Variants in NRG1 observed in about 807,000 individuals in gnomAD.
The protein encoded by NRG1 is pro-neuregulin-1, membrane-bound isoform.
In NRG1, 18 loss-of-function variants were observed where a neutral mutation model predicts 63.8. The ratio of observed to expected loss-of-function variants is 0.28; its 90% confidence interval spans 0.19 to 0.42. NRG1 has a LOEUF of 0.42. NRG1 is among the 10% of genes least tolerant of loss of function. The pLI, the probability that NRG1 is intolerant of heterozygous loss-of-function variation, is 1.00. For missense variants in NRG1, 762 were observed against 814.7 expected (o/e 0.94, Z 0.79); for synonymous variants, 302 against 301.3 (o/e 1.00, Z -0.02).
In NRG1 at chr8:32,236,212, A is replaced by G. The variant is rs142739292; in HGVS notation, c.38-359616A>G. Among the ~76,000 whole-genome samples the G allele has an allele frequency of 3.7e-3, 559 of 151,836 alleles. 1 individual carries two copies. The highest frequency in any genetic ancestry group is 0.024 in the South Asian group (114 of 4,800). ...GAATGACATCGTTTTTTGGAATGAA[A>G]AGGTCTTGCCCCACCCTGCAAGTGT... On this transcript the variant is annotated intron_variant, in intron 1 of 10. Coordinates refer to the NRG1 transcript ENST00000519301.
intron 1 of NRG1, among the ~76,000 whole-genome samples, chr8:32,369,017 T>G (rs1267091705): frequency 1.3e-5 from 2 of 152,184 alleles, no homozygotes; most frequent in Non-Finnish European, 2.9e-5. Context: ...CATGCTAACA[T>G]TTTCTACCCT....
chr8:32,547,443 T>C (rs536831070), upstream of NRG1, among the ~76,000 whole-genome samples: 1 of 152,292 alleles, frequency 6.6e-6, no homozygotes, highest in African/African-American at 2.4e-5. Flanking sequence ...TAATTTTAAT[T>C]ATTCTGAGTC....
intron 1 of NRG1, among the ~76,000 whole-genome samples, chr8:32,071,013 T>C (rs1225855163): frequency 6.6e-6 from 1 of 152,112 alleles, no homozygotes; most frequent in African/African-American, 2.4e-5. Flanking sequence ...CACCTGCCGA[T>C]CTCTCTGCCT....
At chr8:31,954,044 C>A (rs1803938853) in intron 1 of NRG1, among the ~76,000 whole-genome samples, 1 of 152,054 alleles carries the variant, frequency 6.6e-6, no homozygotes, top group Non-Finnish European at 1.5e-5. Context: ...TCACTAATAT[C>A]TTTAACCCAG....
chr8:32,171,795 G>C (rs1035054458), intron 1 of NRG1, among the ~76,000 whole-genome samples: 4 of 152,076 alleles, frequency 2.6e-5, no homozygotes, highest in African/African-American at 9.7e-5. Context: ...AGTGAGGCTG[G>C]GGGAGGGACG....
At chr8:32,487,170 TAAA>T (rs1424240382) in intron 1 of NRG1, among the ~76,000 whole-genome samples, 1 of 144,618 alleles carries the variant, frequency 6.9e-6, no homozygotes, top group Non-Finnish European at 1.5e-5. Context: ...AAAAATAACG[TAAA>T]ACAGTGTTGG....
chr8:32,707,918 C>T (rs1245263442), intron 5 of NRG1, among the ~76,000 whole-genome samples: 2 of 122,010 alleles, frequency 1.6e-5, no homozygotes, highest in African/African-American at 3.2e-5. Context: ...CCTCATACCC[C>T]CATCATCTTC....
chr8:32,210,262 G>A (rs542667200), intron 1 of NRG1, among the ~76,000 whole-genome samples: 1 of 151,704 alleles, frequency 6.6e-6, no homozygotes, highest in Non-Finnish European at 1.5e-5. Flanking sequence ...TTTCATATTA[G>A]AAATTAAAAC....
intron 1 of NRG1, among the ~76,000 whole-genome samples, chr8:31,880,070 A>C (rs1830231601): frequency 6.6e-6 from 1 of 152,124 alleles, no homozygotes; most frequent in African/African-American, 2.4e-5. Flanking sequence ...GAGAACCCTT[A>C]CACACTATTG....
At chr8:31,791,556 A>G (rs1820714338) in intron 1 of NRG1, among the ~76,000 whole-genome samples, 2 of 152,164 alleles carry the variant, frequency 1.3e-5, no homozygotes. Context: ...TATCTAATGT[A>G]TTCTGTTCTT....
intron 5 of NRG1, among the ~76,000 whole-genome samples, chr8:32,653,566 GA>G (rs1431339852): frequency 6.6e-6 from 1 of 152,096 alleles, no homozygotes; most frequent in African/African-American, 2.4e-5. Context: ...AGAAAAATTT[GA>G]TCTGTCTGGC....
intron 1 of NRG1, among the ~76,000 whole-genome samples, chr8:32,131,963 C>A (rs1028079768): frequency 6.6e-6 from 1 of 151,930 alleles, no homozygotes; most frequent in Non-Finnish European, 1.5e-5. Flanking sequence ...GATTAAAGGG[C>A]ACTAAAAGAT....
chr8:32,147,559 C>T (rs1191804976), intron 1 of NRG1, among the ~76,000 whole-genome samples: 1 of 152,180 alleles, frequency 6.6e-6, no homozygotes, highest in African/African-American at 2.4e-5. Flanking sequence ...TCCTATTATA[C>T]AAGGCAAAAC....
chr8:31,933,285 GT>G (rs201748443), intron 1 of NRG1, among the ~76,000 whole-genome samples: 322 of 134,374 alleles, frequency 2.4e-3, no homozygotes, highest in African/African-American at 9.3e-3. Flanking sequence ...TATTATCCTC[GT>G]TTTTTTTTTT....
chr8:31,846,153 T>C (rs34905748), intron 1 of NRG1, among the ~76,000 whole-genome samples: 7,823 of 152,308 alleles, frequency 0.051, 295 homozygotes, highest in Non-Finnish European at 0.08. Flanking sequence ...TTCATTCATT[T>C]CTTCCTAGTT....
rs141456979 is a variant in NRG1, at chr8:31,958,131, G to A, written c.37+318700G>A. On this transcript the variant is annotated intron_variant, in intron 1 of 10. Coordinates refer to the NRG1 transcript ENST00000519301. ...TGTTTGTGTGTGTGTTTGTGTGTGT[G>A]TTGTGTGTTTGTATCTCTAAGTACA... Among the ~76,000 whole-genome samples, 1,256 of 152,126 alleles carry A rather than the reference G, an allele frequency of 8.3e-3. 18 individuals carry two copies. Among genetic ancestry groups the A allele is most frequent in the African/African-American group, 0.029 (1,205 of 41,512 alleles).
intron 1 of NRG1, among the ~76,000 whole-genome samples, chr8:31,988,610 A>C (rs899817182): frequency 6.6e-6 from 1 of 152,144 alleles, no homozygotes; most frequent in Non-Finnish European, 1.5e-5. Context: ...AAGGGTTATA[A>C]GAATTTACAG....
chr8:32,767,786 G>T (rs1434258807), exon 12 of NRG1: 2 of 151,978 alleles, frequency 1.3e-5, no homozygotes, highest in Non-Finnish European at 2.9e-5. Flanking sequence ...TCAGGAGAAA[G>T]AATGTATATG....
chr8:32,449,545 C>G (rs1035904270), intron 1 of NRG1, among the ~76,000 whole-genome samples: 2 of 152,100 alleles, frequency 1.3e-5, no homozygotes, highest in South Asian at 4.1e-4. Flanking sequence ...CTTTGTTGGA[C>G]CTAAGCATAG....
Sources: gnomAD v4.1 joint callset for allele counts (sites outside exome capture counted in the v4.1 genomes callset) on GRCh38, gnomAD v4.1.1 for gene constraint, MANE v1.5 for transcripts, NCBI Gene and HGNC (gene_info 2026-07-23, HGNC 2026-07-21) for gene names.